Variants in BTC observed in about 807,000 individuals in gnomAD.
BTC encodes betacellulin, also known as probetacellulin.
BTC carries 13 observed loss-of-function variants against 18.1 expected under a neutral mutation model. The observed-to-expected ratio is 0.72, with a 90% CI of 0.47 to 1.14. The LOEUF (loss-of-function observed/expected upper bound fraction) is 1.14. BTC is among the 50% of genes most tolerant of loss of function. BTC has a pLI of 0.00. For missense variants in BTC, 247 were observed against 224.2 expected (o/e 1.10, Z -0.65); for synonymous variants, 83 against 79.4 (o/e 1.05, Z -0.24).
chr4:74,793,350 G>A (rs1469917644), intron 1 of BTC, among the ~76,000 whole-genome samples: 2 of 152,096 alleles, frequency 1.3e-5, no homozygotes, highest in Non-Finnish European at 2.9e-5. Context: ...TCCTCAATAA[G>A]AGGAATTCCC....
intron 2 of BTC, among the ~76,000 whole-genome samples, chr4:74,763,507 A>G (rs1331213474): frequency 1.3e-5 from 2 of 152,004 alleles, no homozygotes; most frequent in African/African-American, 2.4e-5. Flanking sequence ...CGGCTCTTAC[A>G]TTTATTATTT....
intron 2 of BTC, among the ~76,000 whole-genome samples, chr4:74,768,937 A>C (rs1000057924): frequency 1.3e-5 from 2 of 152,144 alleles, no homozygotes; most frequent in Non-Finnish European, 2.9e-5. Context: ...TTCTGCCTAC[A>C]TGGATGACAA....
intron 5 of BTC, 147 bp downstream of exon 5, chr4:74,747,893 T>G (rs966239828): frequency 1.7e-5 from 8 of 479,452 alleles, no homozygotes; most frequent in African/African-American, 1.2e-4. Flanking sequence ...TGGCTTCAGA[T>G]TCTATGAAAA....
chr4:74,755,960 T>G lies in BTC; in HGVS notation c.180A>C (p.Ser60=). 6.2e-7 allele frequency: 1 copy of G among 1,614,096 alleles called. No individual in the cohort carries two copies. The highest frequency in any genetic ancestry group is 1.1e-5 in the South Asian group (1 of 91,068). The change falls in exon 3 of 6, where the codon TCA becomes TCC. Residue 60 remains serine, a synonymous_variant. Transcript: ENST00000395743. ...EENCAATTTQ[S]KRKGHFSRCP... ...ACCTAGAGAAGTGGCCTTTCCGCTT[T>G]GATTGTGTGGTGGTAGCTGGAAAAT...
intron 1 of BTC, among the ~76,000 whole-genome samples, chr4:74,772,008 T>C (rs1725056232): frequency 6.6e-6 from 1 of 152,214 alleles, no homozygotes; most frequent in South Asian, 2.1e-4. Flanking sequence ...TAGAACATCT[T>C]GTGTTCCTAA....
At chr4:74,787,684 G>A (rs1262513745) in intron 1 of BTC, among the ~76,000 whole-genome samples, 1 of 152,184 alleles carries the variant, frequency 6.6e-6, no homozygotes, top group Admixed American at 6.5e-5. Context: ...GGGTAGGGTT[G>A]AAAGCACATA....
rs1199445371 is a variant in BTC, at chr4:74,750,856, C to T, written c.282-137G>A. The T allele has an allele frequency of 2.0e-5, 24 of 1,211,800 alleles. No homozygotes were observed. The East Asian group carries it at 5.6e-4, about 28-fold the overall frequency. The allele number at this position is 1,211,800 out of a possible 1,614,324, so 75.1% of individuals were successfully genotyped here. ...AGTTCCCTTTTTAAAAAAAGATGCACTACTTTGTTGACCAGTAATTTCAAT... is the reference window on the plus strand; with the variant it reads ...AGTTCCCTTTTTAAAAAAAGATGCATTACTTTGTTGACCAGTAATTTCAAT... On this transcript the variant is annotated intron_variant, in intron 3 of 5. Coordinates refer to ENST00000395743, the MANE Select transcript of BTC (RefSeq NM_001729.4).
rs558498584 is a variant in BTC at position 74,761,731 on chromosome 4, C to T, written c.164-5755G>A. ...TCAAAATACATGCAGAATAACCTCA[C>T]GATCTCCACTACCCTGGTCTGAGCC... On this transcript the variant is annotated intron_variant, in intron 2 of 5. Coordinates refer to ENST00000395743, the MANE Select transcript of BTC (RefSeq NM_001729.4). Among the ~76,000 whole-genome samples the T allele has an allele frequency of 8.5e-5, 13 of 152,196 alleles. No homozygotes were observed. In the South Asian group the frequency reaches 2.5e-3, roughly 29 times the overall value.
At chr4:74,771,318 T>G (rs1483580302) in intron 1 of BTC, among the ~76,000 whole-genome samples, 1 of 152,188 alleles carries the variant, frequency 6.6e-6, no homozygotes, top group East Asian at 1.9e-4. Flanking sequence ...AAAAATTACT[T>G]ATTGTTATGC....
intron 1 of BTC, among the ~76,000 whole-genome samples, chr4:74,770,807 A>G (rs1725017049): frequency 6.6e-6 from 1 of 151,912 alleles, no homozygotes; most frequent in Non-Finnish European, 1.5e-5. Flanking sequence ...TAATCAGGGA[A>G]ATTTGACACT....
chr4:74,778,051 G>T (rs1725223203), intron 1 of BTC, among the ~76,000 whole-genome samples: 1 of 150,954 alleles, frequency 6.6e-6, no homozygotes, highest in Non-Finnish European at 1.5e-5. Flanking sequence ...AAAAAATAGG[G>T]AGTGAAAATA....
chr4:74,755,967 G>A lies in BTC; in HGVS notation c.173C>T (p.Thr58Ile). 2.5e-6 allele frequency: 4 copies of A among 1,613,792 alleles called. No individual in the cohort carries two copies. The highest frequency in any genetic ancestry group is 2.2e-5 in the East Asian group (1 of 44,880). ...DPEENCAATT[T>I]QSKRKGHFSR... ...GAAGTGGCCTTTCCGCTTTGATTGT[G>A]TGGTGGTAGCTGGAAAATGAGAAAA... Residue 58 changes from threonine to isoleucine, a missense_variant, in exon 3 of 6, where the codon ACA becomes ATA. Coordinates refer to ENST00000395743, the MANE Select transcript of BTC (RefSeq NM_001729.4).
intron 1 of BTC, among the ~76,000 whole-genome samples, chr4:74,781,959 T>C (rs1725343500): frequency 6.6e-6 from 1 of 152,182 alleles, no homozygotes; most frequent in Non-Finnish European, 1.5e-5. Context: ...GTCATTTTCT[T>C]TTTTGTAATG....
intron 2 of BTC, among the ~76,000 whole-genome samples, chr4:74,767,112 G>C (rs71621731): frequency 1.1e-5 from 1 of 87,320 alleles, no homozygotes; most frequent in Non-Finnish European, 3.1e-5. Context: ...ATCTAAATTG[G>C]AAAAAAAGAA....
rs1724293353 is a variant in BTC at position 74,746,497 on chromosome 4, A to T, written c.*180T>A. ...TTTTTTCCCAATTACTAGACAATAT[A>T]CATATAATTAATGTTCTTATTAAAA... On this transcript the variant is annotated 3_prime_UTR_variant, in exon 6 of 6. Coordinates refer to ENST00000395743, the MANE Select transcript of BTC (RefSeq NM_001729.4). 6.6e-6 allele frequency: 1 copy of T among 152,642 alleles called. No individual in the cohort carries two copies. The highest frequency in any genetic ancestry group is 1.5e-5 in the Non-Finnish European group (1 of 68,034). The allele number at this position is 152,642 out of a possible 1,614,324, so 9.5% of individuals were successfully genotyped here. A position where few individuals can be genotyped will look rare whatever the true frequency, so the allele number is the denominator to read the frequency against.
At chr4:74,763,204 T>G (rs1553957501) in intron 2 of BTC, among the ~76,000 whole-genome samples, 2 of 152,182 alleles carry the variant, frequency 1.3e-5, no homozygotes, top group African/African-American at 4.8e-5. Flanking sequence ...AAATAATTTT[T>G]TGACATTATA....
chr4:74,771,564 G>A (rs1725039517), intron 1 of BTC, among the ~76,000 whole-genome samples: 1 of 152,190 alleles, frequency 6.6e-6, no homozygotes, highest in African/African-American at 2.4e-5. Flanking sequence ...AGCAACAGTG[G>A]CCAGCAAGTT....
rs1252935495 is a variant in BTC, at chr4:74,750,852, T to G, written c.282-133A>C. ...ACACAGTTCCCTTTTTAAAAAAAGA[T>G]GCACTACTTTGTTGACCAGTAATTT... On this transcript the variant is annotated intron_variant, in intron 3 of 5. Transcript: ENST00000395743. The G allele has an allele frequency of 8.1e-6, 10 of 1,235,062 alleles. No individual in the cohort carries two copies. The Admixed American group carries it at 2.4e-4, about 30-fold the overall frequency. 76.5% of individuals were successfully genotyped at this position (1,235,062 alleles called of 1,614,324 possible). A position where few individuals can be genotyped will look rare whatever the true frequency, so the allele number is the denominator to read the frequency against.
intron 3 of BTC, among the ~76,000 whole-genome samples, chr4:74,753,230 A>G (rs1724511184): frequency 6.6e-6 from 1 of 152,234 alleles, no homozygotes; most frequent in Non-Finnish European, 1.5e-5. Flanking sequence ...GGGCAATGCA[A>G]AATTGGGCGT....
Sources: gnomAD v4.1 joint callset for allele counts (sites outside exome capture counted in the v4.1 genomes callset) on GRCh38, gnomAD v4.1.1 for gene constraint, MANE v1.5 for transcripts, NCBI Gene and HGNC (gene_info 2026-07-23, HGNC 2026-07-21) for gene names.